ZNF541: variants seen among roughly 807,000 people sequenced by gnomAD.
ZNF541 encodes zinc finger protein 541.
ZNF541 carries 23 observed loss-of-function variants against 123.5 expected under a neutral mutation model. The observed-to-expected ratio is 0.19, with a 90% CI of 0.13 to 0.26. The LOEUF is 0.26. Among genes scored for constraint, ZNF541 ranks in the 10% least tolerant of loss-of-function variants. The pLI is 1.00. For missense variants in ZNF541, 1,612 were observed against 1,789.9 expected, an observed-to-expected ratio of 0.90 and a Z score of 1.79; for synonymous variants, 751 against 754.5, an observed-to-expected ratio of 1.00 and a Z score of 0.08.
At chr19:47,572,584 A>C (rs956239358) in intron 1 of ZNF541, among the ~76,000 whole-genome samples, 1 of 151,760 alleles carries the variant, frequency 6.6e-6, no homozygotes, top group Non-Finnish European at 1.5e-5. Context: ...GTTTTGCTGG[A>C]AGATCCTAAA....
intron 13 of ZNF541, 96 bp from the exon 14 acceptor site, chr19:47,529,134 TA>T (rs1346005359): frequency 2.3e-6 from 2 of 882,424 alleles, no homozygotes; most frequent in East Asian, 5.3e-5. Flanking sequence ...TAGCTGCCAT[TA>T]CTGAGTACCA....
At chr19:47,572,184 G>A (rs1266870286) in intron 1 of ZNF541, among the ~76,000 whole-genome samples, 142 bp from the exon 2 acceptor site, 1 of 152,124 alleles carries the variant, frequency 6.6e-6, no homozygotes, top group Non-Finnish European at 1.5e-5. Context: ...TGAGTGAGGA[G>A]GAAAGGTTTT....
chr19:47,567,182 C>A (rs1023801670), intron 2 of ZNF541, among the ~76,000 whole-genome samples: 1 of 152,110 alleles, frequency 6.6e-6, no homozygotes, highest in Admixed American at 6.5e-5. Context: ...CAGTCTTTAG[C>A]CACATACACA....
In ZNF541 at chr19:47,545,932, G is replaced by C. The variant is rs1316538643; in HGVS notation, c.597C>G (p.Ile199Met). The C allele has an allele frequency of 3.3e-6, 5 of 1,520,194 alleles. No individual in the cohort carries two copies. Among genetic ancestry groups the C allele is most frequent in the Non-Finnish European group, 4.4e-6 (5 of 1,129,136 alleles). The allele number at this position is 1,520,194 out of a possible 1,614,324, so 94.2% of individuals were successfully genotyped here. Residue 199 changes from isoleucine (I) to methionine (M), a missense_variant, in exon 5 of 17, where the codon ATC (isoleucine) becomes ATG (methionine). Physicochemically the swap from Ile to Met is conservative, Grantham distance 10. This residue lies in a region of ZNF541 where 212 missense variants were observed against 289.6 expected (regional missense o/e 0.73). Coordinates refer to ENST00000391901, the MANE Select transcript of ZNF541 (RefSeq NM_001277075.3). This position sits in a 1 kb window ranked among gnomAD's most constrained non-coding sequence, Gnocchi z 7.5. ...AGTAGCTCTTGCTGCAGCCCTGCTC[G>C]ATGCACACGAAGGGCTTTGTCTTCT... ...THQKTKPFVC[I>M]EQGCSKSYCD...
intron 2 of ZNF541, among the ~76,000 whole-genome samples, chr19:47,557,447 C>G (rs1042851553): frequency 6.6e-6 from 1 of 152,148 alleles, no homozygotes; most frequent in African/African-American, 2.4e-5. Context: ...TGATGGCAAA[C>G]TTCTCAACAG....
chr19:47,545,448 CGTTCTCGGCGG>C lies in ZNF541; in HGVS notation c.1070_1080del (p.Ala357GlyfsTer137). The C allele has an allele frequency of 6.8e-7, 1 of 1,474,616 alleles. No individual in the cohort carries two copies. Among genetic ancestry groups the C allele is most frequent in the African/African-American group, 1.4e-5 (1 of 70,488 alleles). The allele number at this position is 1,474,616 out of a possible 1,614,324, so 91.3% of individuals were successfully genotyped here. A position where few individuals can be genotyped will look rare whatever the true frequency, so the allele number is the denominator to read the frequency against. On this transcript the variant is annotated frameshift_variant, in exon 5 of 17. Coordinates refer to ENST00000391901, the MANE Select transcript of ZNF541 (RefSeq NM_001277075.3). LOFTEE classifies it high-confidence loss of function. This position sits in a 1 kb window ranked among gnomAD's most constrained non-coding sequence, Gnocchi z 7.5. ...TCCGGCTCTGGCGGGTCGGGGGCGC[CGTTCTCGGCGG>C]CCCTGGAATTAGGGGCTGTGAACAC... is the stretch of plus-strand genomic sequence containing the variant.
rs933425416 is a variant in ZNF541 at position 47,529,585 on chromosome 19, C to T, written c.3473G>A (p.Arg1158His). 1.8e-5 allele frequency: 28 copies of T among 1,551,542 alleles called. No homozygotes were observed. In the African/African-American group the frequency reaches 2.3e-4, roughly 13 times the overall value. ...KPRTHLLADY[R>H]YTGSDVWTPI... Reference sequence around the variant, plus strand: ...CAGCCTTTCCCCGTCACCTGTGTAGCGATAGTCAGCGAGCAGGTGTGTCCG... The same window carrying T: ...CAGCCTTTCCCCGTCACCTGTGTAGTGATAGTCAGCGAGCAGGTGTGTCCG... The change falls in exon 13 of 17, where the codon CGC becomes CAC. Residue 1158 changes from arginine to histidine, a missense_variant. Around this residue, in one of 5 missense-constraint regions of ZNF541, gnomAD observed 285 missense variants for 407.3 expected, o/e 0.70. Transcript: ENST00000391901.
chr19:47,569,803 T>G (rs1051630818), intron 2 of ZNF541, among the ~76,000 whole-genome samples: 1 of 151,766 alleles, frequency 6.6e-6, no homozygotes, highest in African/African-American at 2.4e-5. Flanking sequence ...TGCTTGATGT[T>G]GGGAGGTCGA....
chr19:47,533,052 C>A (rs1165469482), intron 9 of ZNF541, 80 bp from the exon 10 acceptor site: 14 of 1,347,128 alleles, frequency 1.0e-5, no homozygotes. Context: ...TGTGTGGACG[C>A]AGCTGAAAGC....
chr19:47,544,864 C>G lies in ZNF541; in HGVS notation c.1665G>C (p.Met555Ile), dbSNP rs1057042289. Residue 555 changes from methionine (M) to isoleucine (I), a missense_variant, in exon 5 of 17, where the codon ATG (methionine) becomes ATC (isoleucine). Physicochemically the swap from Met to Ile is conservative, Grantham distance 10. This residue lies in a region of ZNF541 where 1,080 missense variants were observed against 1,013.8 expected (regional missense o/e 1.07). Coordinates refer to ENST00000391901, the MANE Select transcript of ZNF541 (RefSeq NM_001277075.3). Reference protein sequence around the residue: ...SQEPLVSHEQMQVFQMITKSQ... With the variant: ...SQEPLVSHEQIQVFQMITKSQ... ...ACTTGGTGATCATCTGGAACACCTG[C>G]ATCTGCTCGTGGCTCACAAGAGGTT... is the stretch of plus-strand genomic sequence containing the variant. The G allele has an allele frequency of 1.6e-4, 242 of 1,536,042 alleles. No individual in the cohort carries two copies. Among genetic ancestry groups the G allele is most frequent in the Non-Finnish European group, 2.1e-4 (237 of 1,146,792 alleles).
intron 14 of ZNF541, among the ~76,000 whole-genome samples, chr19:47,523,889 C>A (rs1163395342): frequency 6.6e-6 from 1 of 152,120 alleles, no homozygotes; most frequent in African/African-American, 2.4e-5. Context: ...GAGCAAATTT[C>A]CCCCAAGAAC....
intron 2 of ZNF541, among the ~76,000 whole-genome samples, chr19:47,561,558 G>C (rs1971062979): frequency 6.6e-6 from 1 of 152,150 alleles, no homozygotes; most frequent in South Asian, 2.1e-4. Context: ...TGTTTGGAAA[G>C]GACCAGAGAA....
At chr19:47,560,221 T>C (rs1971005235) in intron 2 of ZNF541, among the ~76,000 whole-genome samples, 1 of 152,128 alleles carries the variant, frequency 6.6e-6, no homozygotes, top group Non-Finnish European at 1.5e-5. Context: ...GGCAAACAAC[T>C]GACTTGCTAA....
chr19:47,526,111 G>A (rs990364630), intron 14 of ZNF541, among the ~76,000 whole-genome samples: 1 of 152,094 alleles, frequency 6.6e-6, no homozygotes, highest in African/African-American at 2.4e-5. Flanking sequence ...TACAGATTGG[G>A]AGAAAACATT....
chr19:47,566,413 G>A (rs1333820495), intron 2 of ZNF541, among the ~76,000 whole-genome samples: 1 of 152,098 alleles, frequency 6.6e-6, no homozygotes, highest in Non-Finnish European at 1.5e-5. Flanking sequence ...TATTTAGTCT[G>A]CAATATATTT....
upstream of ZNF541, among the ~76,000 whole-genome samples, chr19:47,573,279 C>G (rs1316278810): frequency 6.6e-6 from 1 of 151,934 alleles, no homozygotes; most frequent in Non-Finnish European, 1.5e-5. Context: ...TCGCGCGTGC[C>G]TCCTGGCCGC....
chr19:47,550,604 CTG>C (rs1555775295), intron 3 of ZNF541, among the ~76,000 whole-genome samples: 1 of 152,086 alleles, frequency 6.6e-6, no homozygotes, highest in Non-Finnish European at 1.5e-5. Context: ...GTTAAAGGAA[CTG>C]GGAATATTCA....
chr19:47,568,898 C>A (rs1345667185), intron 2 of ZNF541, among the ~76,000 whole-genome samples: 1 of 152,136 alleles, frequency 6.6e-6, no homozygotes, highest in Non-Finnish European at 1.5e-5. Context: ...TCTCAAACTC[C>A]TGACCTCGTG....
chr19:47,572,435 G>A lies in ZNF541; in HGVS notation c.-245-393C>T, dbSNP rs73940889. Reference sequence around the variant, plus strand: ...TATTCCAAAAAGGGGCACTCTAGGTGTGAAGAAAAAAATTTTGCTGGAAAG... The same window carrying A: ...TATTCCAAAAAGGGGCACTCTAGGTATGAAGAAAAAAATTTTGCTGGAAAG... On this transcript the variant is annotated intron_variant, in intron 1 of 16. Transcript: ENST00000391901. 5.3e-3 allele frequency among the ~76,000 whole-genome samples: 801 copies of A among 152,136 alleles called. 5 individuals carry two copies. The highest frequency in any genetic ancestry group is 0.018 in the African/African-American group (736 of 41,506).
Sources: gnomAD v4.1 joint callset for allele counts (sites outside exome capture counted in the v4.1 genomes callset) on GRCh38, gnomAD v4.1.1 for gene constraint, gnomAD v4.1.1 regional missense constraint, Gnocchi (gnomAD v3.1) non-coding constraint, MANE v1.5 for transcripts, NCBI Gene and HGNC (gene_info 2026-07-23, HGNC 2026-07-21) for gene names.